ZC3H18: variants seen among roughly 807,000 people sequenced by gnomAD.
ZC3H18 encodes zinc finger CCCH domain-containing protein 18.
In ZC3H18, 8 loss-of-function variants were observed where a neutral mutation model predicts 106.1. That is an observed-to-expected ratio of 0.08 (90% CI 0.04 to 0.14). ZC3H18 has a LOEUF of 0.14. ZC3H18 is among the 10% of genes least tolerant of loss of function. The pLI, the probability that ZC3H18 is intolerant of heterozygous loss-of-function variation, is 1.00. For synonymous variants in ZC3H18, 635 were observed against 522.1 expected (o/e 1.22, Z -2.95); for missense variants, 1,318 against 1,278.4 (o/e 1.03, Z -0.47).
chr16:88,622,063 A>T, intron 8 of ZC3H18, 134 bp from the exon 9 acceptor site: 1 of 1,100,902 alleles, frequency 9.1e-7, no homozygotes, highest in Non-Finnish European at 1.3e-6. Context: ...TTTTCCCCTT[A>T]GGACCCTTTG....
intron 6 of ZC3H18, 56 bp from the exon 7 acceptor site, chr16:88,608,878 C>G: frequency 6.9e-7 from 1 of 1,441,154 alleles, no homozygotes; most frequent in African/African-American, 1.4e-5. Context: ...TTCGTGTGGT[C>G]TTTTTACGCC....
chr16:88,577,061 TG>T lies in ZC3H18; in HGVS notation c.-14-48del, dbSNP rs1914796554. 6 of 1,499,296 alleles carry T rather than the reference TG, an allele frequency of 4.0e-6. No homozygotes were observed. The South Asian group carries it at 8.3e-5, about 21-fold the overall frequency. 92.9% of individuals were successfully genotyped at this position (1,499,296 alleles called of 1,614,324 possible). A position where few individuals can be genotyped will look rare whatever the true frequency, so the allele number is the denominator to read the frequency against. On this transcript the variant is annotated intron_variant, in intron 1 of 17. Coordinates refer to ENST00000301011, the MANE Select transcript of ZC3H18 (RefSeq NM_144604.4). ...AGGCCAGGAAAGTAGGGACAAGGTTTGTTTTCCATTTTGCTAAAGGCTGTCA... is the reference window on the plus strand; with the variant it reads ...AGGCCAGGAAAGTAGGGACAAGGTTTTTTTCCATTTTGCTAAAGGCTGTCA...
intron 1 of ZC3H18, chr16:88,571,675 A>G: frequency 1.0e-6 from 1 of 985,414 alleles, no homozygotes; most frequent in African/African-American, 1.7e-5. Context: ...GCAAACAGGT[A>G]AGTTAACCTA....
chr16:88,584,728 G>C (rs1423738568), intron 2 of ZC3H18, among the ~76,000 whole-genome samples: 2 of 152,186 alleles, frequency 1.3e-5, no homozygotes, highest in Non-Finnish European at 2.9e-5. Context: ...ACCTTTAGTA[G>C]CTACAGGGTC....
In ZC3H18 at chr16:88,631,180, G is replaced by A. The variant is rs368266096; in HGVS notation, c.2743G>A (p.Ala915Thr). ...CGGCAAAGCCTCGGATCCCGGCGCC[G>A]CCAGCACCAAATCAGGGAAGGCCAG... The part of the protein sequence containing the change: ...VPGKASDPGA[A>T]STKSGKASTL... Residue 915 changes from alanine (A) to threonine (T), a missense_variant, in exon 18 of 18, where the codon GCC becomes ACC. Ala to Thr is a moderately conservative substitution (Grantham distance 58). This residue lies in a region of ZC3H18 where 848 missense variants were observed against 821.7 expected (regional missense o/e 1.03). Transcript: ENST00000301011. The A allele has an allele frequency of 4.6e-5, 74 of 1,613,420 alleles. No individual in the cohort carries two copies. Among genetic ancestry groups the A allele is most frequent in the South Asian group, 4.0e-4 (36 of 91,078 alleles).
chr16:88,623,318 C>T lies in ZC3H18; in HGVS notation c.1767C>T (p.His589=), dbSNP rs189691374. The change falls in exon 10 of 18, where the codon CAC becomes CAT. Residue 589 remains histidine, a synonymous_variant. Coordinates refer to ENST00000301011, the MANE Select transcript of ZC3H18 (RefSeq NM_144604.4). ...YSSYSSRSSR[H]SSFSGSRSRS... is the part of the protein sequence containing the mutation. Reference sequence around the variant, plus strand: ...CCTACTCCAGCCGCTCTTCCAGACACAGCTCGTTCTCAGGAAGCCGGTCCA... The same window carrying T: ...CCTACTCCAGCCGCTCTTCCAGACATAGCTCGTTCTCAGGAAGCCGGTCCA... The T allele has an allele frequency of 2.5e-6, 4 of 1,613,830 alleles. No homozygotes were observed. The highest frequency in any genetic ancestry group is 1.3e-5 in the African/African-American group (1 of 75,056).
intron 9 of ZC3H18, 92 bp downstream of exon 9, chr16:88,622,480 C>T: frequency 1.4e-6 from 2 of 1,382,894 alleles, no homozygotes; most frequent in South Asian, 2.9e-5. Flanking sequence ...GGGAACACCC[C>T]AGCCCCACTG....
At chr16:88,580,779 C>A (rs907793033) in intron 2 of ZC3H18, among the ~76,000 whole-genome samples, 2 of 152,220 alleles carry the variant, frequency 1.3e-5, no homozygotes, top group African/African-American at 4.8e-5. Context: ...GGTCCCCTTT[C>A]CTTTCAGTCC....
chr16:88,624,856 A>G (rs1906203401), intron 12 of ZC3H18, 111 bp downstream of exon 12: 7 of 1,411,374 alleles, frequency 5.0e-6, no homozygotes, highest in Non-Finnish European at 6.5e-6. Flanking sequence ...GGTGGTGGGA[A>G]GCGCCCCCTA....
At chr16:88,591,399 C>T (rs1315833266) in intron 3 of ZC3H18, among the ~76,000 whole-genome samples, 3 of 152,014 alleles carry the variant, frequency 2.0e-5, no homozygotes, top group African/African-American at 7.2e-5. Context: ...ATGGTGAAAC[C>T]CTGTCTCTAC....
intron 1 of ZC3H18, among the ~76,000 whole-genome samples, chr16:88,571,270 C>T (rs556072553): frequency 2.0e-5 from 3 of 152,230 alleles, no homozygotes; most frequent in East Asian, 3.9e-4. Context: ...GAGCTTTGTT[C>T]GAACAACGCT....
chr16:88,585,063 A>G (rs1915357127), intron 2 of ZC3H18, among the ~76,000 whole-genome samples: 1 of 152,268 alleles, frequency 6.6e-6, no homozygotes, highest in South Asian at 2.1e-4. Context: ...ATAGTAGTAA[A>G]AAGAAGACAC....
chr16:88,598,035 C>T (rs8051141), intron 3 of ZC3H18, 143 bp from the exon 4 acceptor site: 48,290 of 693,424 alleles, frequency 0.07, 2,890 homozygotes, highest in Non-Finnish European at 0.078. Context: ...GCCCACCTCC[C>T]CGTTCAGTTC....
At chr16:88,610,101 A>T (rs1006883196) in intron 7 of ZC3H18, among the ~76,000 whole-genome samples, 6 of 152,032 alleles carry the variant, frequency 3.9e-5, no homozygotes, top group Non-Finnish European at 7.4e-5. Flanking sequence ...CTCATGGAAG[A>T]CTGGTCTATA....
At chr16:88,587,921 C>T (rs1046975000) in intron 3 of ZC3H18, among the ~76,000 whole-genome samples, 6 of 152,162 alleles carry the variant, frequency 3.9e-5, no homozygotes, top group African/African-American at 4.8e-5. Context: ...ATGGGAACCC[C>T]GGGTTAGGCT....
intron 8 of ZC3H18, among the ~76,000 whole-genome samples, chr16:88,620,370 C>G (rs1411967086): frequency 6.6e-6 from 1 of 152,162 alleles, no homozygotes; most frequent in Non-Finnish European, 1.5e-5. Context: ...GGGAGGATCA[C>G]TTGAGGCCAG....
At chr16:88,579,608 ACATGCTGGTTTCCCCT>A (rs1914985824) in intron 2 of ZC3H18, among the ~76,000 whole-genome samples, 2 of 152,146 alleles carry the variant, frequency 1.3e-5, no homozygotes, top group Non-Finnish European at 2.9e-5. Context: ...AAGGGCCTGG[ACATGCTGGTTTCCCCT>A]AGACACAGCA....
intron 2 of ZC3H18, among the ~76,000 whole-genome samples, chr16:88,582,225 T>TTTTTTTTTTTTTTTTTTTG: frequency 7.7e-6 from 1 of 130,444 alleles, no homozygotes; most frequent in Non-Finnish European, 1.6e-5. Context: ...TTTTCTTTTT[T>TTTTTTTTTTTTTTTTTTTG]TTTTTTTTTT....
At chr16:88,608,626 G>A (rs1051818969) in intron 6 of ZC3H18, 1 of 184,490 alleles carries the variant, frequency 5.4e-6, no homozygotes, top group East Asian at 1.5e-4. Context: ...GCCTCCCACG[G>A]TGCTGGGATT....
Sources: gnomAD v4.1 joint callset for allele counts (sites outside exome capture counted in the v4.1 genomes callset) on GRCh38, gnomAD v4.1.1 for gene constraint, gnomAD v4.1.1 regional missense constraint, MANE v1.5 for transcripts, NCBI Gene and HGNC (gene_info 2026-07-23, HGNC 2026-07-21) for gene names.